Variants in MYO9A observed in about 807,000 individuals in gnomAD.
MYO9A encodes the protein myosin IXA, also known as unconventional myosin-IXa.
A neutral mutation model predicts 293.3 loss-of-function variants in MYO9A; 103 were observed. The observed-to-expected ratio is 0.35, with a 90% CI of 0.30 to 0.41. The LOEUF (loss-of-function observed/expected upper bound fraction) is 0.41. Among genes scored for constraint, MYO9A ranks in the 10% least tolerant of loss-of-function variants. MYO9A has a pLI of 1.00. For missense variants in MYO9A, 2,685 were observed against 3,033.0 expected, an observed-to-expected ratio of 0.89 and a Z score of 2.69; for synonymous variants, 1,001 against 1,035.7, an observed-to-expected ratio of 0.97 and a Z score of 0.64.
chr15:72,028,756 C>T (rs1162231063), intron 3 of MYO9A, among the ~76,000 whole-genome samples: 1 of 151,938 alleles, frequency 6.6e-6, no homozygotes. Flanking sequence ...ATACTTTGGA[C>T]AGATTACTAC....
intron 18 of MYO9A, among the ~76,000 whole-genome samples, chr15:71,923,596 G>A (rs1386605875): frequency 6.6e-6 from 1 of 152,088 alleles, no homozygotes; most frequent in Non-Finnish European, 1.5e-5. Context: ...TAGGTTGTAT[G>A]TGACTAGGAA....
rs60518266 is a variant in MYO9A at position 72,077,733 on chromosome 15, GAAA to G, written c.-71-31102_-71-31100del. ...CAACAGAGTGAGACTCTGTCTCAAA[GAAA>G]AAAAAAAAAAAAAAAAATATATATA... On this transcript the variant is annotated intron_variant, in intron 1 of 41. Coordinates refer to ENST00000356056, the MANE Select transcript of MYO9A (RefSeq NM_006901.4). 1.4e-3 allele frequency among the ~76,000 whole-genome samples: 122 copies of G among 87,372 alleles called. 2 individuals are homozygous for G. The East Asian group carries it at 0.016, about 11-fold the overall frequency. 57.3% of individuals were successfully genotyped at this position (87,372 alleles called of 152,430 possible).
intron 13 of MYO9A, among the ~76,000 whole-genome samples, chr15:71,965,942 T>C (rs145607817): frequency 1.3e-5 from 2 of 152,186 alleles, no homozygotes; most frequent in African/African-American, 2.4e-5. Flanking sequence ...AATGGCACTA[T>C]CTCGGCTCAA....
rs1237491245 is a variant in MYO9A at position 71,839,267 on chromosome 15, T to C, written c.6838-8956A>G. Among the ~76,000 whole-genome samples, 45 of 152,168 alleles carry C rather than the reference T, an allele frequency of 3.0e-4. 2 individuals are homozygous for C. Among genetic ancestry groups the C allele is most frequent in the Admixed American group, 2.9e-3 (45 of 15,284 alleles). ...AGCTGAGTTAAACTACTTGGATATT[T>C]TGGCAGTATTAAGGTAGAGAGGTAG... On this transcript the variant is annotated intron_variant, in intron 39 of 41. Transcript: ENST00000356056.
chr15:71,845,614 G>A (rs941700019), intron 39 of MYO9A, among the ~76,000 whole-genome samples: 3 of 152,172 alleles, frequency 2.0e-5, no homozygotes, highest in Non-Finnish European at 2.9e-5. Context: ...TCACCGTTAC[G>A]TGAATCAAGG....
Position 71,827,030 on chromosome 15 carries a change from G to A in MYO9A, c.7197C>T (p.Ala2399=). ...TGCCAGCTGTCTTCAGGGAGCTAAG[G>A]GCTAAGCTTCTTTCTAATGCAAAAA... ...AISEKSERSL[A]LSSLKTAGKS... The change falls in exon 42 of 42, where the codon GCC becomes GCT. Residue 2399 remains alanine (A), a synonymous_variant. Coordinates refer to ENST00000356056, the MANE Select transcript of MYO9A (RefSeq NM_006901.4). 6.4e-7 allele frequency: 1 copy of A among 1,573,274 alleles called. No individual in the cohort carries two copies. The highest frequency in any genetic ancestry group is 8.6e-7 in the Non-Finnish European group (1 of 1,165,290).
chr15:72,051,171 C>A (rs2078549712), intron 1 of MYO9A, among the ~76,000 whole-genome samples: 1 of 152,156 alleles, frequency 6.6e-6, no homozygotes. Context: ...CTCAAGTGAT[C>A]CTCCTGCCTC....
At chr15:71,908,461 G>A (rs916383143) in intron 19 of MYO9A, among the ~76,000 whole-genome samples, 1 of 152,152 alleles carries the variant, frequency 6.6e-6, no homozygotes, top group Admixed American at 6.5e-5. Flanking sequence ...GTGCCCGGCC[G>A]ATAATATCCA....
At chr15:71,875,678 A>C in intron 32 of MYO9A, 113 bp downstream of exon 32, 2 of 441,726 alleles carry the variant, frequency 4.5e-6, no homozygotes, top group Non-Finnish European at 7.8e-6. Flanking sequence ...ATTATTGCCT[A>C]GGTACCTGAT....
chr15:71,919,812 A>G (rs1253704400), intron 18 of MYO9A, among the ~76,000 whole-genome samples: 1 of 140,458 alleles, frequency 7.1e-6, no homozygotes, highest in African/African-American at 2.6e-5. Flanking sequence ...ACTGCACTCC[A>G]GCCAGGGCGA....
intron 1 of MYO9A, among the ~76,000 whole-genome samples, chr15:72,073,452 T>C (rs1596512455): frequency 6.6e-6 from 1 of 152,216 alleles, no homozygotes; most frequent in Non-Finnish European, 1.5e-5. Flanking sequence ...AGAGTCAACA[T>C]ATAACTCTTA....
rs761344179 is a variant in MYO9A at position 71,826,529 on chromosome 15, G to C, written c.*51C>G. ...GAGGTGATGAAACGCAGCCCCAAAGGTGAGATTTGTTTACCACTCTGTAGC... is the reference window on the plus strand; with the variant it reads ...GAGGTGATGAAACGCAGCCCCAAAGCTGAGATTTGTTTACCACTCTGTAGC... On this transcript the variant is annotated 3_prime_UTR_variant, in exon 42 of 42. Transcript: ENST00000356056. 6.7e-7 allele frequency: 1 copy of C among 1,499,524 alleles called. No homozygotes were observed. Among genetic ancestry groups the C allele is most frequent in the Admixed American group, 2.2e-5 (1 of 44,834 alleles). The allele number at this position is 1,499,524 out of a possible 1,614,324, so 92.9% of individuals were successfully genotyped here. A position where few individuals can be genotyped will look rare whatever the true frequency, so the allele number is the denominator to read the frequency against.
intron 11 of MYO9A, among the ~76,000 whole-genome samples, chr15:71,981,643 C>T (rs886944385): frequency 3.5e-5 from 3 of 85,468 alleles, no homozygotes; most frequent in African/African-American, 1.2e-4. Flanking sequence ...TCTGTCTTGT[C>T]TCTCTCTCTC....
At chr15:71,990,373 C>A (rs2076509729) in intron 11 of MYO9A, among the ~76,000 whole-genome samples, 1 of 152,074 alleles carries the variant, frequency 6.6e-6, no homozygotes, top group African/African-American at 2.4e-5. Context: ...GCTTGAGCCA[C>A]CATGCCCAGC....
At chr15:72,110,077 T>A (rs1202063796) in intron 1 of MYO9A, among the ~76,000 whole-genome samples, 1 of 150,986 alleles carries the variant, frequency 6.6e-6, no homozygotes, top group African/African-American at 2.4e-5. Context: ...GAGGACTGCT[T>A]GAGCCCAGGA....
chr15:72,050,695 A>C (rs2078533857), intron 1 of MYO9A, among the ~76,000 whole-genome samples: 1 of 152,212 alleles, frequency 6.6e-6, no homozygotes, highest in Non-Finnish European at 1.5e-5. Flanking sequence ...TTATGAGTTG[A>C]GGAAATGCAG....
At chr15:72,090,438 T>C (rs1240281653) in intron 1 of MYO9A, among the ~76,000 whole-genome samples, 1 of 152,224 alleles carries the variant, frequency 6.6e-6, no homozygotes, top group Admixed American at 6.5e-5. Flanking sequence ...TATTCCCAGA[T>C]TGCTTTATAG....
chr15:71,916,035 A>G (rs985675438), intron 19 of MYO9A, among the ~76,000 whole-genome samples: 10 of 152,252 alleles, frequency 6.6e-5, no homozygotes, highest in African/African-American at 2.4e-4. Flanking sequence ...TTAAGCAGGG[A>G]AAAAAACATA....
intron 1 of MYO9A, among the ~76,000 whole-genome samples, chr15:72,050,320 C>T (rs1393392748): frequency 6.6e-6 from 1 of 152,040 alleles, no homozygotes; most frequent in Non-Finnish European, 1.5e-5. Flanking sequence ...TCAAAACGTA[C>T]ATTACCAGCC....
Sources: gnomAD v4.1 joint callset for allele counts (sites outside exome capture counted in the v4.1 genomes callset) on GRCh38, gnomAD v4.1.1 for gene constraint, MANE v1.5 for transcripts, NCBI Gene and HGNC (gene_info 2026-07-23, HGNC 2026-07-21) for gene names.